KCNAB1: variants seen among roughly 807,000 people sequenced by gnomAD.
KCNAB1 encodes potassium voltage-gated channel subfamily A regulatory beta subunit 1, also known as voltage-gated potassium channel subunit beta-1.
Under a neutral mutation model 64.6 loss-of-function variants are expected in KCNAB1, and 35 were observed. The ratio of observed to expected loss-of-function variants is 0.54; its 90% CI spans 0.41 to 0.72. The LOEUF (loss-of-function observed/expected upper bound fraction) is 0.72. Ranked by LOEUF, KCNAB1 falls within the 30% of genes least tolerant of loss-of-function variation. The pLI is 0.00. For synonymous variants in KCNAB1, 177 were observed against 183.8 expected (o/e 0.96, Z 0.30); for missense variants, 401 against 512.9 (o/e 0.78, Z 2.11).
intron 1 of KCNAB1, among the ~76,000 whole-genome samples, chr3:156,222,471 A>G (rs1316321127): frequency 2.0e-5 from 3 of 152,222 alleles, no homozygotes; most frequent in Non-Finnish European, 2.9e-5. Context: ...CAGCAACACC[A>G]TAATAGTGGG....
At chr3:156,398,233 G>A (rs1190171836) in intron 1 of KCNAB1, among the ~76,000 whole-genome samples, 3 of 152,058 alleles carry the variant, frequency 2.0e-5, no homozygotes, top group Non-Finnish European at 4.4e-5. Context: ...GGGGCCTGTC[G>A]GGGTGGTGGG....
chr3:156,529,603 G>T (rs964734972), intron 12 of KCNAB1, among the ~76,000 whole-genome samples: 1 of 152,172 alleles, frequency 6.6e-6, no homozygotes, highest in South Asian at 2.1e-4. Context: ...AACTCAGCGG[G>T]TGAGCCATAA....
intron 1 of KCNAB1, among the ~76,000 whole-genome samples, chr3:156,332,633 C>T (rs1723421715): frequency 6.6e-6 from 1 of 152,160 alleles, no homozygotes; most frequent in African/African-American, 2.4e-5. Context: ...CAATAAACTT[C>T]CACCTGCCCT....
At chr3:156,281,157 G>C (rs1178292323) in intron 1 of KCNAB1, among the ~76,000 whole-genome samples, 4 of 146,658 alleles carry the variant, frequency 2.7e-5, no homozygotes, top group Non-Finnish European at 4.5e-5. Flanking sequence ...CTAATTTATT[G>C]AGAGTTTTTA....
intron 1 of KCNAB1, chr3:156,291,021 C>A (rs1362185733): frequency 1.0e-6 from 1 of 985,710 alleles, no homozygotes; most frequent in Non-Finnish European, 1.2e-6. Context: ...TAAGCACCCC[C>A]TCTCTGCCTT....
intron 1 of KCNAB1, among the ~76,000 whole-genome samples, chr3:156,265,241 A>C (rs1157383554): frequency 6.6e-6 from 1 of 152,186 alleles, no homozygotes; most frequent in Non-Finnish European, 1.5e-5. Context: ...AAATGGTGAA[A>C]ATAATAACAA....
rs149171613 is a variant in KCNAB1, at chr3:156,148,226, C to A, written c.275+27340C>A. Among the ~76,000 whole-genome samples, 70 of 152,280 alleles carry A rather than the reference C, an allele frequency of 4.6e-4. No homozygotes were observed. In the East Asian group the frequency reaches 0.012, roughly 27 times the overall value. On this transcript the variant is annotated intron_variant, in intron 1 of 13. Coordinates refer to ENST00000490337, the MANE Select transcript of KCNAB1 (RefSeq NM_172160.3). The stretch of plus-strand genomic sequence containing the variant: ...CCCACAGGGTCTCCTTTTGCCCCTA[C>A]AGCATTGACCACCAGACTTTTCTCT...
Position 156,457,541 on chromosome 3 carries a change from G to T in KCNAB1, c.437+9G>T. 6.2e-7 allele frequency: 1 copy of T among 1,610,634 alleles called. No homozygotes were observed. The highest frequency in any genetic ancestry group is 8.5e-7 in the Non-Finnish European group (1 of 1,176,890). On this transcript the variant is annotated intron_variant, in intron 4 of 13. Coordinates refer to ENST00000490337, the MANE Select transcript of KCNAB1 (RefSeq NM_172160.3). Reference sequence around the variant, plus strand: ...GTCTATGCTGCTGGAAAGTAAGTCAGTACCTGTTTGTGTCACTCAAATGGC... The same window carrying T: ...GTCTATGCTGCTGGAAAGTAAGTCATTACCTGTTTGTGTCACTCAAATGGC...
At chr3:156,536,628 T>C in intron 13 of KCNAB1, 30 bp from the exon 14 acceptor site, 1 of 1,450,558 alleles carries the variant, frequency 6.9e-7, no homozygotes, top group Non-Finnish European at 9.7e-7. Context: ...CTGCTAACAA[T>C]ATCCTTTGTA....
intron 1 of KCNAB1, among the ~76,000 whole-genome samples, chr3:156,372,861 G>T (rs180945899): frequency 6.6e-6 from 1 of 152,176 alleles, no homozygotes; most frequent in Non-Finnish European, 1.5e-5. Context: ...GAATGCCACC[G>T]AAACTTTAAA....
chr3:156,362,146 CAT>C (rs1220938853), intron 1 of KCNAB1, among the ~76,000 whole-genome samples: 2 of 152,068 alleles, frequency 1.3e-5, no homozygotes, highest in African/African-American at 4.8e-5. Flanking sequence ...TGCACATCTA[CAT>C]ATATCTATCT....
chr3:156,488,302 A>G (rs990238179), intron 8 of KCNAB1, among the ~76,000 whole-genome samples: 1 of 151,848 alleles, frequency 6.6e-6, no homozygotes, highest in Admixed American at 6.6e-5. Flanking sequence ...CTATAAAAAA[A>G]AAAAAAAGAA....
At chr3:156,162,252 AT>A (rs5853743) in intron 1 of KCNAB1, among the ~76,000 whole-genome samples, 16,525 of 150,428 alleles carry the variant, frequency 0.11, 1,048 homozygotes, top group Non-Finnish European at 0.13. Context: ...TTTATACTGG[AT>A]TTTTTTTTTT....
intron 1 of KCNAB1, among the ~76,000 whole-genome samples, chr3:156,225,501 G>A (rs1009071100): frequency 6.6e-6 from 1 of 152,114 alleles, no homozygotes; most frequent in Non-Finnish European, 1.5e-5. Flanking sequence ...TTCCCCCTGA[G>A]AACTGGAACA....
intron 7 of KCNAB1, among the ~76,000 whole-genome samples, chr3:156,467,733 A>G (rs1357431): frequency 0.57 from 86,585 of 151,942 alleles, 25,620 homozygotes; most frequent in African/African-American, 0.73. Context: ...AGTTTTTAGC[A>G]TTTTAAAGAA....
chr3:156,330,200 A>T (rs1264205689), intron 1 of KCNAB1, among the ~76,000 whole-genome samples: 1 of 152,166 alleles, frequency 6.6e-6, no homozygotes, highest in Non-Finnish European at 1.5e-5. Context: ...GCTTATGATC[A>T]AATCCATGTT....
At chr3:156,176,933 T>C in intron 1 of KCNAB1, 2 of 900,698 alleles carry the variant, frequency 2.2e-6, no homozygotes, top group Non-Finnish European at 3.5e-6. Flanking sequence ...GATGATGCTT[T>C]GGGTTTTTGA....
At chr3:156,363,383 G>A (rs537044219) in intron 1 of KCNAB1, among the ~76,000 whole-genome samples, 9 of 151,910 alleles carry the variant, frequency 5.9e-5, no homozygotes, top group South Asian at 2.1e-4. Context: ...AGCATTTATC[G>A]TACTCATTCA....
chr3:156,371,630 T>G (rs1726313659), intron 1 of KCNAB1, among the ~76,000 whole-genome samples: 1 of 152,164 alleles, frequency 6.6e-6, no homozygotes, highest in South Asian at 2.1e-4. Context: ...CAGGGTACAT[T>G]TTTTTCATGT....
Sources: gnomAD v4.1 joint callset for allele counts (sites outside exome capture counted in the v4.1 genomes callset) on GRCh38, gnomAD v4.1.1 for gene constraint, MANE v1.5 for transcripts, NCBI Gene and HGNC (gene_info 2026-07-23, HGNC 2026-07-21) for gene names.